NOL4: variants seen among roughly 807,000 people sequenced by gnomAD.
NOL4 encodes the protein cancer/testis antigen 125.
A neutral mutation model predicts 75.9 loss-of-function variants in NOL4; 17 were observed. That is an observed-to-expected ratio of 0.22 (90% confidence interval 0.15 to 0.34). The LOEUF (loss-of-function observed/expected upper bound fraction) is 0.34, where lower values mean the gene tolerates loss of function less well. Ranked by LOEUF, NOL4 falls within the 10% of genes least tolerant of loss-of-function variation. NOL4 has a pLI of 1.00. For missense variants in NOL4, 614 were observed against 793.5 expected (o/e 0.77, Z 2.72); for synonymous variants, 292 against 289.9 (o/e 1.01, Z -0.07).
chr18:33,904,735 T>A (rs2065935606), intron 9 of NOL4, among the ~76,000 whole-genome samples: 1 of 152,166 alleles, frequency 6.6e-6, no homozygotes, highest in Non-Finnish European at 1.5e-5. Context: ...CAACCTGATA[T>A]CATATCCCCA....
At chr18:33,863,050 A>C (rs1249415902) in intron 10 of NOL4, among the ~76,000 whole-genome samples, 4 of 152,362 alleles carry the variant, frequency 2.6e-5, no homozygotes, top group Non-Finnish European at 5.9e-5. Context: ...GACTGGATTA[A>C]GAAAATGTGG....
chr18:34,005,854 T>C (rs2074001423), intron 6 of NOL4, among the ~76,000 whole-genome samples: 1 of 152,046 alleles, frequency 6.6e-6, no homozygotes, highest in East Asian at 1.9e-4. Context: ...TCCATGGTTA[T>C]TTTCTCCCAG....
intron 5 of NOL4, among the ~76,000 whole-genome samples, chr18:34,042,953 G>A (rs540771945): frequency 7.2e-5 from 11 of 152,206 alleles, no homozygotes; most frequent in South Asian, 2.1e-4. Context: ...TTCACAACCT[G>A]TGTGGTTTGG....
At chr18:34,022,976 T>C (rs1027838030) in intron 5 of NOL4, among the ~76,000 whole-genome samples, 24 of 152,122 alleles carry the variant, frequency 1.6e-4, no homozygotes, top group Admixed American at 7.2e-4. Flanking sequence ...GTATAAACAA[T>C]AAGGTAGAAA....
chr18:33,857,091 G>A (rs1014428312), intron 10 of NOL4, among the ~76,000 whole-genome samples: 2 of 151,840 alleles, frequency 1.3e-5, no homozygotes, highest in Non-Finnish European at 2.9e-5. Flanking sequence ...AGTCATTATA[G>A]AATTCTATTA....
chr18:34,088,567 T>C (rs977844460), intron 5 of NOL4, among the ~76,000 whole-genome samples: 3 of 152,112 alleles, frequency 2.0e-5, no homozygotes, highest in Non-Finnish European at 4.4e-5. Context: ...ACCGCAGCCA[T>C]TGCATAGCAA....
At chr18:34,104,776 A>C (rs2079192275) in intron 3 of NOL4, among the ~76,000 whole-genome samples, 1 of 152,030 alleles carries the variant, frequency 6.6e-6, no homozygotes, top group Admixed American at 6.6e-5. Flanking sequence ...AATATATCTA[A>C]AATAGCATGA....
At chr18:33,929,814 G>C (rs897105429) in intron 9 of NOL4, among the ~76,000 whole-genome samples, 4 of 151,964 alleles carry the variant, frequency 2.6e-5, no homozygotes, top group African/African-American at 9.7e-5. Context: ...ATTCCTTGTT[G>C]ATACAGATAT....
At chr18:33,932,782 T>C (rs1454813326) in intron 9 of NOL4, among the ~76,000 whole-genome samples, 1 of 152,076 alleles carries the variant, frequency 6.6e-6, no homozygotes, top group African/African-American at 2.4e-5. Flanking sequence ...TTCTGTGACC[T>C]GGAGAAATTT....
Position 33,852,620 on chromosome 18 carries a change from G to A in NOL4, c.*222C>T. 2.5e-6 allele frequency: 1 copy of A among 400,002 alleles called. No individual in the cohort carries two copies. The highest frequency in any genetic ancestry group is 6.6e-4 in the Middle Eastern group (1 of 1,522). The allele number at this position is 400,002 out of a possible 1,614,324, so 24.8% of individuals were successfully genotyped here. A position where few individuals can be genotyped will look rare whatever the true frequency, so the allele number is the denominator to read the frequency against. On this transcript the variant is annotated 3_prime_UTR_variant, in exon 11 of 11. Coordinates refer to ENST00000261592, the MANE Select transcript of NOL4 (RefSeq NM_003787.5). ...TTATGGTGACACACTAAAACAAAAA[G>A]CAATAGGCTGGACATACTAAAGTAG... is the stretch of plus-strand genomic sequence containing the variant.
At chr18:33,959,936 A>AGTGT (rs140614140) in intron 6 of NOL4, among the ~76,000 whole-genome samples, 3,217 of 148,900 alleles carry the variant, frequency 0.022, 91 homozygotes, top group African/African-American at 0.068. Flanking sequence ...TTTCTTTCTA[A>AGTGT]GTGTGTGTGT....
chr18:34,149,914 T>G (rs915635277), intron 1 of NOL4, among the ~76,000 whole-genome samples: 1 of 151,648 alleles, frequency 6.6e-6, no homozygotes, highest in Non-Finnish European at 1.5e-5. Flanking sequence ...ACCTGGTTTA[T>G]TTGAAGAATT....
At chr18:33,859,613 TCTTATACTGCTATA>T (rs2062997433) in intron 10 of NOL4, among the ~76,000 whole-genome samples, 1 of 152,148 alleles carries the variant, frequency 6.6e-6, no homozygotes, top group Admixed American at 6.6e-5. Context: ...ATCAGTCCAT[TCTTATACTGCTATA>T]AATACCAGAG....
At chr18:33,874,104 A>G (rs891589791) in intron 10 of NOL4, among the ~76,000 whole-genome samples, 3 of 151,880 alleles carry the variant, frequency 2.0e-5, no homozygotes, top group African/African-American at 7.2e-5. Flanking sequence ...TAGGGGAAAG[A>G]TTGGGGTTGT....
intron 1 of NOL4, among the ~76,000 whole-genome samples, chr18:34,181,447 G>A (rs1377521622): frequency 6.6e-6 from 1 of 151,400 alleles, no homozygotes; most frequent in Non-Finnish European, 1.5e-5. Context: ...CTAAATGCAA[G>A]TGCTAAAGCT....
intron 8 of NOL4, among the ~76,000 whole-genome samples, chr18:33,948,092 T>C (rs1335305353): frequency 6.6e-6 from 1 of 151,844 alleles, no homozygotes; most frequent in Non-Finnish European, 1.5e-5. Context: ...TACAAAGAAA[T>C]TTAAGAATGT....
At chr18:34,111,131 A>T (rs540664148) in intron 2 of NOL4, among the ~76,000 whole-genome samples, 1 of 152,162 alleles carries the variant, frequency 6.6e-6, no homozygotes, top group Admixed American at 6.5e-5. Flanking sequence ...CTTGTATCAC[A>T]CCTTATACAA....
chr18:34,067,235 T>C lies in NOL4; in HGVS notation c.772+26230A>G, dbSNP rs373992007. 2.7e-4 allele frequency among the ~76,000 whole-genome samples: 41 copies of C among 152,270 alleles called. No homozygotes were observed. In the South Asian group the frequency reaches 5.4e-3, roughly 20 times the overall value. ...AAAGGCAATGGGGCAAGAAATGTAGTAGATAAAAGAATTTTAGGCAAAAGT... is the reference window on the plus strand; with the variant it reads ...AAAGGCAATGGGGCAAGAAATGTAGCAGATAAAAGAATTTTAGGCAAAAGT... On this transcript the variant is annotated intron_variant, in intron 5 of 10. Transcript: ENST00000261592.
At chr18:34,175,006 A>G (rs2033411190) in intron 1 of NOL4, among the ~76,000 whole-genome samples, 1 of 152,152 alleles carries the variant, frequency 6.6e-6, no homozygotes, top group African/African-American at 2.4e-5. Context: ...AGAACTAGAA[A>G]TACCATTTGA....
Sources: gnomAD v4.1 joint callset for allele counts (sites outside exome capture counted in the v4.1 genomes callset) on GRCh38, gnomAD v4.1.1 for gene constraint, MANE v1.5 for transcripts, NCBI Gene and HGNC (gene_info 2026-07-23, HGNC 2026-07-21) for gene names.